Variants in MCTP1 observed in about 807,000 individuals in gnomAD.
MCTP1 encodes the protein multiple C2 and transmembrane domain-containing protein 1.
In MCTP1, 69 loss-of-function variants were observed where a neutral mutation model predicts 120.6. The ratio of observed to expected loss-of-function variants is 0.57; its 90% CI spans 0.47 to 0.70. MCTP1 has a LOEUF of 0.70. Ranked by LOEUF, MCTP1 falls within the 30% of genes least tolerant of loss-of-function variation. The pLI, the probability that MCTP1 is intolerant of heterozygous loss-of-function variation, is 0.00. For missense variants in MCTP1, 1,203 were observed against 1,248.8 expected, an observed-to-expected ratio of 0.96 and a Z score of 0.55; for synonymous variants, 529 against 493.1, an observed-to-expected ratio of 1.07 and a Z score of -0.96.
At chr5:95,156,783 G>C (rs1400583082) in intron 1 of MCTP1, among the ~76,000 whole-genome samples, 1 of 152,160 alleles carries the variant, frequency 6.6e-6, no homozygotes, top group Non-Finnish European at 1.5e-5. Context: ...ACAAAACATA[G>C]AAGTTTTTTT....
In MCTP1 at chr5:94,888,069, G is replaced by A. The variant is rs551848297; in HGVS notation, c.1933+810C>T. Among the ~76,000 whole-genome samples, 3 of 122 alleles carry A rather than the reference G, an allele frequency of 0.025. No homozygotes were observed. In the East Asian group the frequency reaches 0.3, roughly 12 times the overall value. The allele number at this position is 122 out of a possible 152,430, so 0.1% of individuals were successfully genotyped here. A position where few individuals can be genotyped will look rare whatever the true frequency, so the allele number is the denominator to read the frequency against. On this transcript the variant is annotated intron_variant, in intron 12 of 22. Transcript: ENST00000515393. ...TTTTCTTTCAGAAACAGTGAAATTT[G>A]CACAAATGGTCAAGCCAGTCCTATT... is the stretch of plus-strand genomic sequence containing the variant.
chr5:94,721,987 C>G (rs182062864), intron 19 of MCTP1, among the ~76,000 whole-genome samples: 1 of 151,674 alleles, frequency 6.6e-6, no homozygotes, highest in Non-Finnish European at 1.5e-5. Flanking sequence ...TACAATATTT[C>G]TAAAAGCTCT....
intron 2 of MCTP1, among the ~76,000 whole-genome samples, chr5:94,992,745 G>C (rs1007668971): frequency 3.9e-5 from 6 of 152,104 alleles, no homozygotes; most frequent in Non-Finnish European, 5.9e-5. Flanking sequence ...AGAGGTCCCA[G>C]AGGCCCTCTT....
intron 17 of MCTP1, among the ~76,000 whole-genome samples, chr5:94,799,596 C>G (rs917968123): frequency 4.0e-5 from 6 of 151,876 alleles, no homozygotes; most frequent in Non-Finnish European, 8.8e-5. Flanking sequence ...ATGAAAATAC[C>G]AGGTCTACAC....
chr5:94,997,028 A>T (rs1298001550), intron 2 of MCTP1, among the ~76,000 whole-genome samples: 2 of 152,154 alleles, frequency 1.3e-5, no homozygotes, highest in Non-Finnish European at 2.9e-5. Flanking sequence ...CTCTCAAGAG[A>T]AAATGAGCTA....
chr5:94,921,165 T>C (rs183443400), intron 7 of MCTP1, among the ~76,000 whole-genome samples: 1 of 152,358 alleles, frequency 6.6e-6, no homozygotes, highest in Admixed American at 6.5e-5. Flanking sequence ...AGTTAGTCTT[T>C]AATACAATTT....
chr5:95,153,013 ACATAGT>A (rs1744707999), intron 1 of MCTP1, among the ~76,000 whole-genome samples: 1 of 152,178 alleles, frequency 6.6e-6, no homozygotes, highest in Non-Finnish European at 1.5e-5. Context: ...AGAAAAGAAA[ACATAGT>A]CAGTCTCCTT....
intron 1 of MCTP1, among the ~76,000 whole-genome samples, chr5:95,170,477 G>A (rs986189891): frequency 6.6e-6 from 1 of 152,130 alleles, no homozygotes; most frequent in African/African-American, 2.4e-5. Flanking sequence ...TTAACTTTCT[G>A]TCTCGTTGAT....
rs184123614 is a variant in MCTP1, at chr5:95,190,012, T to A, written c.720+93844A>T. 2.7e-3 allele frequency among the ~76,000 whole-genome samples: 416 copies of A among 152,262 alleles called. 2 individuals carry two copies. Among genetic ancestry groups the A allele is most frequent in the Non-Finnish European group, 4.3e-3 (294 of 67,980 alleles). ...ACTTGGTGGGAGAGACGTATATATA[T>A]GCAAAGAGATTGAAGCATGTTCCAG... On this transcript the variant is annotated intron_variant, in intron 1 of 22. Transcript: ENST00000515393.
intron 1 of MCTP1, among the ~76,000 whole-genome samples, chr5:95,201,739 A>G (rs757903751): frequency 4.6e-5 from 7 of 151,900 alleles, no homozygotes; most frequent in Non-Finnish European, 8.8e-5. Flanking sequence ...TCCTGACCTC[A>G]AGGGATCCAT....
At chr5:94,985,809 T>C (rs1830324659) in intron 2 of MCTP1, among the ~76,000 whole-genome samples, 1 of 152,208 alleles carries the variant, frequency 6.6e-6, no homozygotes, top group African/African-American at 2.4e-5. Flanking sequence ...TCTATTACAC[T>C]GTTTAATTAT....
chr5:94,889,094 A>C (rs1801960054), intron 11 of MCTP1, 122 bp from the exon 12 acceptor site: 3 of 596,588 alleles, frequency 5.0e-6, no homozygotes, highest in Non-Finnish European at 8.6e-6. Flanking sequence ...GATCAACATT[A>C]AACTAACTAA....
intron 17 of MCTP1, among the ~76,000 whole-genome samples, chr5:94,839,123 A>G (rs1376806914): frequency 6.6e-6 from 1 of 152,336 alleles, no homozygotes; most frequent in East Asian, 1.9e-4. Flanking sequence ...TGGAACACAG[A>G]GATAAATACT....
intron 1 of MCTP1, among the ~76,000 whole-genome samples, chr5:95,055,847 A>G (rs1747250467): frequency 6.6e-6 from 1 of 152,098 alleles, no homozygotes; most frequent in African/African-American, 2.4e-5. Context: ...GCAATGTGTG[A>G]AAAAAAATAT....
intron 2 of MCTP1, among the ~76,000 whole-genome samples, chr5:94,954,843 A>T (rs1042880041): frequency 1.6e-4 from 24 of 152,160 alleles, no homozygotes; most frequent in Admixed American, 1.2e-3. Context: ...GAAGGGGTGG[A>T]GGTCTCAGAG....
At chr5:95,212,500 C>T (rs1752505851) in intron 1 of MCTP1, among the ~76,000 whole-genome samples, 1 of 152,062 alleles carries the variant, frequency 6.6e-6, no homozygotes, top group African/African-American at 2.4e-5. Flanking sequence ...GGAATCCTCC[C>T]TAACTCATTT....
chr5:94,814,467 A>C (rs1368766169), intron 17 of MCTP1, among the ~76,000 whole-genome samples: 1 of 152,246 alleles, frequency 6.6e-6, no homozygotes, highest in African/African-American at 2.4e-5. Flanking sequence ...ACTATAAAAT[A>C]GCTAAAGCAA....
chr5:94,738,157 G>GAA (rs1764695467), intron 19 of MCTP1, among the ~76,000 whole-genome samples: 1 of 152,108 alleles, frequency 6.6e-6, no homozygotes, highest in South Asian at 2.1e-4. Context: ...GAAGCTTTAT[G>GAA]GATAACCCTC....
chr5:94,752,596 G>T (rs906007557), intron 19 of MCTP1, among the ~76,000 whole-genome samples: 1 of 151,984 alleles, frequency 6.6e-6, no homozygotes, highest in African/African-American at 2.4e-5. Context: ...TTTTAACTTG[G>T]TTCCTAGGTT....
Sources: allele counts gnomAD v4.1 joint callset (sites outside exome capture counted in the v4.1 genomes callset), GRCh38; gene constraint gnomAD v4.1.1; transcripts MANE v1.5; gene names NCBI Gene and HGNC (gene_info 2026-07-23, HGNC 2026-07-21).